PRKCH: variants seen among roughly 807,000 people sequenced by gnomAD.
PRKCH encodes the protein protein kinase C eta type.
PRKCH carries 28 observed loss-of-function variants against 82.5 expected under a neutral mutation model. The ratio of observed to expected loss-of-function variants is 0.34; its 90% CI spans 0.25 to 0.47. PRKCH has a LOEUF of 0.47. PRKCH is among the 20% of genes least tolerant of loss of function. The pLI, the probability that PRKCH is intolerant of heterozygous loss-of-function variation, is 1.00. For missense variants in PRKCH, 705 were observed against 881.8 expected (o/e 0.80, Z 2.54); for synonymous variants, 322 against 327.4 (o/e 0.98, Z 0.18).
chr14:61,345,471 A>G (rs1406633209), intron 1 of PRKCH, among the ~76,000 whole-genome samples: 1 of 152,218 alleles, frequency 6.6e-6, no homozygotes, highest in African/African-American at 2.4e-5. Context: ...TAATTTCATG[A>G]TGGCTGAAAT....
chr14:61,321,419 C>G (rs2045619621), upstream of PRKCH, among the ~76,000 whole-genome samples: 1 of 152,216 alleles, frequency 6.6e-6, no homozygotes, highest in African/African-American at 2.4e-5. This position sits in a 1 kb window ranked among gnomAD's most constrained non-coding sequence, Gnocchi z 4.1. Context: ...CCGCAGCGCA[C>G]GGCCAGACCC....
At chr14:61,338,952 T>A (rs572711204) in intron 1 of PRKCH, among the ~76,000 whole-genome samples, 2 of 152,300 alleles carry the variant, frequency 1.3e-5, no homozygotes, top group East Asian at 3.9e-4. Context: ...CCCATTAATA[T>A]TATTGCCATT....
At chr14:61,210,373 AG>A (rs1368522885) in intron 1 of PRKCH, among the ~76,000 whole-genome samples, 1 of 151,932 alleles carries the variant, frequency 6.6e-6, no homozygotes, top group African/African-American at 2.4e-5. Context: ...TGGTGAGTAA[AG>A]CACATGTTGC....
At chr14:61,250,898 C>G (rs2044939985) in intron 1 of PRKCH, among the ~76,000 whole-genome samples, 1 of 151,556 alleles carries the variant, frequency 6.6e-6, no homozygotes. Flanking sequence ...TCTAAAAAAG[C>G]CATTTTTTAA....
Position 61,453,365 on chromosome 14 carries a change from C to CT in PRKCH, c.960+19dup, listed in dbSNP as rs777683146. On this transcript the variant is annotated intron_variant, in intron 7 of 13. Coordinates refer to ENST00000332981, the MANE Select transcript of PRKCH (RefSeq NM_006255.5). Reference sequence around the variant, plus strand: ...TTTCTCCAACCTCGGTGAGACTTTGCTTTTTTTCCATGTCTCGTAATTTAG... The same window carrying CT: ...TTTCTCCAACCTCGGTGAGACTTTGCTTTTTTTTCCATGTCTCGTAATTTAG... The CT allele has an allele frequency of 6.2e-7, 1 of 1,609,514 alleles. No individual in the cohort carries two copies. The highest frequency in any genetic ancestry group is 1.7e-5 in the Admixed American group (1 of 59,542).
intron 1 of PRKCH, among the ~76,000 whole-genome samples, chr14:61,340,978 C>G (rs919448671): frequency 7.9e-5 from 12 of 152,326 alleles, no homozygotes; most frequent in Admixed American, 6.5e-4. Context: ...TTACCACACT[C>G]GTTTGTATCA....
chr14:61,209,100 AC>A (rs1174820140), intron 1 of PRKCH, among the ~76,000 whole-genome samples: 2 of 151,172 alleles, frequency 1.3e-5, no homozygotes, highest in African/African-American at 4.9e-5. Context: ...TTGTTATAAA[AC>A]CCTCCTCTTG....
intron 1 of PRKCH, among the ~76,000 whole-genome samples, chr14:61,295,072 G>A (rs751184956): frequency 2.0e-5 from 3 of 152,030 alleles, no homozygotes; most frequent in Admixed American, 6.6e-5. Flanking sequence ...TGCCATGTTG[G>A]CCAGGCTGGT....
intron 1 of PRKCH, among the ~76,000 whole-genome samples, chr14:61,337,140 A>ATTTTT (rs56865144): frequency 1.4e-4 from 14 of 100,338 alleles, no homozygotes; most frequent in Non-Finnish European, 1.9e-4. Flanking sequence ...GACACCAACA[A>ATTTTT]TTTTTTTTTT....
At chr14:61,441,035 G>GC (rs1883944301) in intron 2 of PRKCH, among the ~76,000 whole-genome samples, 1 of 150,996 alleles carries the variant, frequency 6.6e-6, no homozygotes, top group Admixed American at 6.6e-5. Flanking sequence ...CTCCCTAGTA[G>GC]CTGAGACCAC....
intron 1 of PRKCH, among the ~76,000 whole-genome samples, chr14:61,344,693 G>C (rs1379417540): frequency 6.6e-6 from 1 of 152,116 alleles, no homozygotes; most frequent in East Asian, 1.9e-4. Context: ...GAGTGGCAGA[G>C]TGGTCCCTTG....
At chr14:61,522,344 C>T (rs1566927063) in intron 10 of PRKCH, among the ~76,000 whole-genome samples, 1 of 152,172 alleles carries the variant, frequency 6.6e-6, no homozygotes, top group African/African-American at 2.4e-5. Context: ...CTAATGCCAT[C>T]CCTCTCCTGA....
At position 61,530,292 on chromosome 14, in the gene PRKCH, A is replaced by T. The variant is rs2043029237; in HGVS notation, c.1573-115A>T. On this transcript the variant is annotated intron_variant, in intron 11 of 13. Coordinates refer to ENST00000332981, the MANE Select transcript of PRKCH (RefSeq NM_006255.5). ...AATGAAATACGCTTGCTAGCACAGG[A>T]GACTTTTTTAAAAAAACTTTGATAT... 4 of 1,141,054 alleles carry T rather than the reference A, an allele frequency of 3.5e-6. No individual in the cohort carries two copies. In the African/African-American group the frequency reaches 4.7e-5, roughly 13 times the overall value. The allele number at this position is 1,141,054 out of a possible 1,614,324, so 70.7% of individuals were successfully genotyped here.
chr14:61,421,842 C>T (rs1482376914), intron 2 of PRKCH, among the ~76,000 whole-genome samples: 1 of 152,118 alleles, frequency 6.6e-6, no homozygotes, highest in Non-Finnish European at 1.5e-5. Context: ...AGGAGGGCAC[C>T]AAGCCTTGAC....
chr14:61,272,160 G>A (rs986212448), intron 1 of PRKCH, among the ~76,000 whole-genome samples: 5 of 151,602 alleles, frequency 3.3e-5, no homozygotes, highest in African/African-American at 1.2e-4. Context: ...CCCGGGGGGC[G>A]GAGCTTGCAG....
At chr14:61,257,341 C>T (rs2045006712) in intron 1 of PRKCH, among the ~76,000 whole-genome samples, 1 of 152,130 alleles carries the variant, frequency 6.6e-6, no homozygotes, top group Non-Finnish European at 1.5e-5. Flanking sequence ...AGGGTTAACA[C>T]CGATCTCGGT....
intron 1 of PRKCH, among the ~76,000 whole-genome samples, chr14:61,233,661 T>TAATAGTGA (rs2044762914): frequency 6.6e-6 from 1 of 152,178 alleles, no homozygotes; most frequent in Non-Finnish European, 1.5e-5. Context: ...GTTACCCTCA[T>TAATAGTGA]GCTGTTCTTA....
intron 2 of PRKCH, among the ~76,000 whole-genome samples, chr14:61,429,414 A>G (rs1262124736): frequency 6.6e-6 from 1 of 152,254 alleles, no homozygotes; most frequent in Non-Finnish European, 1.5e-5. Context: ...GTTAGAGAGC[A>G]TATGCTCTCG....
Position 61,535,914 on chromosome 14 carries a change from T to C in PRKCH, c.1761+5319T>C, listed in dbSNP as rs2043101717. Among the ~76,000 whole-genome samples, 3 of 152,212 alleles carry C rather than the reference T, an allele frequency of 2.0e-5. No individual in the cohort carries two copies. The South Asian group carries it at 6.2e-4, about 32-fold the overall frequency. ...TACATGAGGGTCTGTGTTACTGTCG[T>C]CTAAAATTTCCACATGGAAAAGTTG... On this transcript the variant is annotated intron_variant, in intron 12 of 13. Coordinates refer to ENST00000332981, the MANE Select transcript of PRKCH (RefSeq NM_006255.5).
Sources: gnomAD v4.1 joint callset for allele counts (sites outside exome capture counted in the v4.1 genomes callset) on GRCh38, gnomAD v4.1.1 for gene constraint, Gnocchi (gnomAD v3.1) non-coding constraint, MANE v1.5 for transcripts, NCBI Gene and HGNC (gene_info 2026-07-23, HGNC 2026-07-21) for gene names.